NRG3: variants seen among roughly 807,000 people sequenced by gnomAD.
The protein encoded by NRG3 is pro-neuregulin-3, membrane-bound isoform.
Under a neutral mutation model 66.9 loss-of-function variants are expected in NRG3, and 31 were observed. The ratio of observed to expected loss-of-function variants is 0.46; its 90% confidence interval spans 0.35 to 0.63. The LOEUF is 0.63. NRG3 is among the 20% of genes least tolerant of loss of function. NRG3 has a pLI of 0.00. For synonymous variants in NRG3, 393 were observed against 359.4 expected (o/e 1.09, Z -1.06); for missense variants, 910 against 878.9 (o/e 1.04, Z -0.45).
At chr10:82,614,789 C>A (rs1205423176) in intron 2 of NRG3, among the ~76,000 whole-genome samples, 2 of 152,090 alleles carry the variant, frequency 1.3e-5, no homozygotes, top group African/African-American at 4.8e-5. Context: ...AAATTTCAAT[C>A]TTCATCCAAA....
At chr10:82,111,835 C>T (rs2067407186) in intron 1 of NRG3, among the ~76,000 whole-genome samples, 1 of 152,202 alleles carries the variant, frequency 6.6e-6, no homozygotes. Flanking sequence ...ACACTTTACA[C>T]TGCCTTCTAG....
intron 2 of NRG3, among the ~76,000 whole-genome samples, chr10:82,656,055 CTG>C (rs2051825048): frequency 6.6e-6 from 1 of 152,188 alleles, no homozygotes; most frequent in Non-Finnish European, 1.5e-5. Flanking sequence ...AGTCAGGAAA[CTG>C]TTAAAACTGT....
At chr10:82,794,461 T>A (rs2060715038) in intron 3 of NRG3, among the ~76,000 whole-genome samples, 1 of 152,184 alleles carries the variant, frequency 6.6e-6, no homozygotes, top group Admixed American at 6.5e-5. Context: ...AAACTGGTGC[T>A]TATTCAGCCG....
At chr10:82,095,772 A>T (rs1330510892) in intron 1 of NRG3, among the ~76,000 whole-genome samples, 1 of 152,206 alleles carries the variant, frequency 6.6e-6, no homozygotes, top group African/African-American at 2.4e-5. Flanking sequence ...GAATGAGCTA[A>T]ATCTCAATAC....
At chr10:82,770,450 A>G (rs17100784) in intron 3 of NRG3, among the ~76,000 whole-genome samples, 3,336 of 152,180 alleles carry the variant, frequency 0.022, 124 homozygotes, top group African/African-American at 0.075. Context: ...GCAAATTCCT[A>G]ATACGACGAT....
chr10:81,995,291 C>T (rs2060895534), intron 1 of NRG3, among the ~76,000 whole-genome samples: 1 of 152,176 alleles, frequency 6.6e-6, no homozygotes, highest in South Asian at 2.1e-4. Context: ...GAAGGTAACA[C>T]CAAAATGTTT....
chr10:82,882,934 G>A (rs1591821681), intron 4 of NRG3, among the ~76,000 whole-genome samples: 1 of 152,188 alleles, frequency 6.6e-6, no homozygotes, highest in Non-Finnish European at 1.5e-5. Context: ...ATACCTCTGT[G>A]TGGGTGATTA....
chr10:82,597,693 C>T lies in NRG3; in HGVS notation c.954-140884C>T, dbSNP rs923445055. ...ATCCCAGCACTTTGGGAGGCCGAGG[C>T]GGGTGGATCACGAGGTCATTAGATG... On this transcript the variant is annotated intron_variant, in intron 2 of 8. Coordinates refer to ENST00000372141, the MANE Select transcript of NRG3 (RefSeq NM_001010848.4). 9.9e-5 allele frequency among the ~76,000 whole-genome samples: 15 copies of T among 152,178 alleles called. No homozygotes were observed. In the East Asian group the frequency reaches 2.7e-3, roughly 27 times the overall value.
intron 3 of NRG3, among the ~76,000 whole-genome samples, chr10:82,801,984 G>C (rs1204122766): frequency 6.6e-6 from 1 of 152,120 alleles, no homozygotes; most frequent in Non-Finnish European, 1.5e-5. Context: ...AGGAATGAGA[G>C]GAAAGCATCT....
chr10:82,490,323 G>A (rs73307834), intron 2 of NRG3, among the ~76,000 whole-genome samples: 5 of 152,142 alleles, frequency 3.3e-5, no homozygotes, highest in Admixed American at 1.3e-4. Context: ...GAAGTCATCC[G>A]GATCCCATAC....
chr10:82,059,449 A>T (rs1029791701), intron 1 of NRG3, among the ~76,000 whole-genome samples: 1 of 152,160 alleles, frequency 6.6e-6, no homozygotes, highest in African/African-American at 2.4e-5. Flanking sequence ...GAGGTGACTA[A>T]GCTTTTTTCT....
At chr10:81,984,822 G>A (rs951489460) in intron 1 of NRG3, among the ~76,000 whole-genome samples, 2 of 152,072 alleles carry the variant, frequency 1.3e-5, no homozygotes, top group Admixed American at 6.6e-5. Context: ...GACTCAAAAG[G>A]ATAAGTAATA....
chr10:82,800,389 G>T (rs1271966794), intron 3 of NRG3, among the ~76,000 whole-genome samples: 1 of 151,978 alleles, frequency 6.6e-6, no homozygotes, highest in African/African-American at 2.4e-5. Context: ...TTACCTACGG[G>T]CAAGAAAGGG....
intron 1 of NRG3, among the ~76,000 whole-genome samples, chr10:82,145,769 T>G (rs371582114): frequency 1.3e-5 from 2 of 152,324 alleles, no homozygotes; most frequent in African/African-American, 4.8e-5. Flanking sequence ...AAAATGAAGA[T>G]ATCTATGGCA....
At position 82,520,238 on chromosome 10, in the gene NRG3, A is replaced by T. The variant is rs576851548; in HGVS notation, c.953+161370A>T. On this transcript the variant is annotated intron_variant, in intron 2 of 8. Transcript: ENST00000372141. ...TGGAATAAGATGATTTTCTGTCCAC[A>T]TCCATTAAGGGCAGCTTTAGTCAAA... 2.4e-4 allele frequency among the ~76,000 whole-genome samples: 36 copies of T among 150,874 alleles called. No individual in the cohort carries two copies. The South Asian group carries it at 7.6e-3, about 32-fold the overall frequency.
chr10:82,098,467 T>G (rs1224627700), intron 1 of NRG3, among the ~76,000 whole-genome samples: 1 of 152,108 alleles, frequency 6.6e-6, no homozygotes, highest in Non-Finnish European at 1.5e-5. Context: ...TTGAGCCCCC[T>G]TGGGGTGGTG....
intron 1 of NRG3, among the ~76,000 whole-genome samples, chr10:81,977,462 C>T (rs564399402): frequency 6.6e-6 from 1 of 152,260 alleles, no homozygotes; most frequent in East Asian, 1.9e-4. Context: ...TTAAAGTAGA[C>T]AATTTTGTTC....
At chr10:82,139,302 G>A (rs1182042912) in intron 1 of NRG3, among the ~76,000 whole-genome samples, 1 of 152,112 alleles carries the variant, frequency 6.6e-6, no homozygotes. Context: ...TTCTATTTAA[G>A]TTGTGCCAAA....
chr10:82,318,029 A>G (rs1284987996), intron 1 of NRG3, among the ~76,000 whole-genome samples: 1 of 152,186 alleles, frequency 6.6e-6, no homozygotes, highest in Non-Finnish European at 1.5e-5. Flanking sequence ...AACATAGACA[A>G]AATGGGGCAG....
Sources: allele counts gnomAD v4.1 joint callset (sites outside exome capture counted in the v4.1 genomes callset), GRCh38; gene constraint gnomAD v4.1.1; transcripts MANE v1.5; gene names NCBI Gene and HGNC (gene_info 2026-07-23, HGNC 2026-07-21).